Variants in RASGRF2 observed in about 807,000 individuals in gnomAD.
RASGRF2 encodes the protein ras-specific guanine nucleotide-releasing factor 2.
In RASGRF2, 76 loss-of-function variants were observed where a neutral mutation model predicts 151.0. That is an observed-to-expected ratio of 0.50 (90% CI 0.42 to 0.61). The LOEUF (loss-of-function observed/expected upper bound fraction) is 0.61, where lower values mean the gene tolerates loss of function less well. Among genes scored for constraint, RASGRF2 ranks in the 20% least tolerant of loss-of-function variants. The pLI, the probability that RASGRF2 is intolerant of heterozygous loss-of-function variation, is 0.00. For synonymous variants in RASGRF2, 504 were observed against 566.5 expected (o/e 0.89, Z 1.57); for missense variants, 1,148 against 1,564.6 (o/e 0.73, Z 4.49).
intron 13 of RASGRF2, among the ~76,000 whole-genome samples, chr5:81,109,761 G>A (rs1240972551): frequency 6.6e-6 from 1 of 152,220 alleles, no homozygotes; most frequent in Non-Finnish European, 1.5e-5. Flanking sequence ...CAGTTTACCA[G>A]TGTCTACGTC....
At chr5:81,015,369 T>A (rs1438460975) in intron 1 of RASGRF2, among the ~76,000 whole-genome samples, 1 of 152,072 alleles carries the variant, frequency 6.6e-6, no homozygotes, top group Non-Finnish European at 1.5e-5. Context: ...TTGAACTAAT[T>A]TAGAATCCCA....
chr5:81,212,937 G>A (rs1446115781), intron 23 of RASGRF2, among the ~76,000 whole-genome samples: 2 of 152,138 alleles, frequency 1.3e-5, no homozygotes, highest in East Asian at 3.8e-4. Flanking sequence ...GGGACAAAAG[G>A]CCTCATTTTT....
chr5:81,185,838 C>G (rs1182969951), intron 18 of RASGRF2, among the ~76,000 whole-genome samples: 2 of 152,192 alleles, frequency 1.3e-5, no homozygotes, highest in East Asian at 1.9e-4. Context: ...ATATACTGAA[C>G]TGGACATTTT....
chr5:81,009,294 A>T (rs1301401412), intron 1 of RASGRF2, among the ~76,000 whole-genome samples: 2 of 152,252 alleles, frequency 1.3e-5, no homozygotes, highest in African/African-American at 2.4e-5. Flanking sequence ...GAATATCATC[A>T]TATACTGCCC....
At chr5:81,018,616 A>T (rs17475104) in intron 1 of RASGRF2, among the ~76,000 whole-genome samples, 19,582 of 152,168 alleles carry the variant, frequency 0.13, 1,543 homozygotes, top group South Asian at 0.19. Context: ...AGTTTCATCA[A>T]TATATCCAAT....
At chr5:81,166,323 A>G (rs752879355) in intron 17 of RASGRF2, among the ~76,000 whole-genome samples, 8 of 151,952 alleles carry the variant, frequency 5.3e-5, no homozygotes, top group Non-Finnish European at 8.8e-5. Context: ...AGTAGCTGGA[A>G]TTTACAGGCG....
chr5:81,100,121 A>G (rs1286478141), intron 12 of RASGRF2, among the ~76,000 whole-genome samples: 1 of 151,760 alleles, frequency 6.6e-6, no homozygotes, highest in Non-Finnish European at 1.5e-5. Flanking sequence ...GTTAGCCAGG[A>G]TGGTCTCAAT....
intron 12 of RASGRF2, 41 bp from the exon 13 acceptor site, chr5:81,108,955 G>T (rs1752922026): frequency 6.4e-7 from 1 of 1,571,412 alleles, no homozygotes; most frequent in Admixed American, 1.8e-5. Context: ...ATCTGCCTAG[G>T]CTTTCATGTG....
rs769425124 is a variant in RASGRF2 at position 81,215,863 on chromosome 5, C to A, written c.3355-13C>A. On this transcript the variant is annotated splice_polypyrimidine_tract_variant and intron_variant, in intron 23 of 26. Coordinates refer to ENST00000265080, the MANE Select transcript of RASGRF2 (RefSeq NM_006909.3). ...GTATTTTCATCACACTAAGTTTTTT[C>A]TTTTCTTTTTAGACAAAAGCTCTAA... The A allele has an allele frequency of 6.6e-7, 1 of 1,509,180 alleles. No individual in the cohort carries two copies. Among genetic ancestry groups the A allele is most frequent in the South Asian group, 1.4e-5 (1 of 71,934 alleles). 93.5% of individuals were successfully genotyped at this position (1,509,180 alleles called of 1,614,324 possible). A position where few individuals can be genotyped will look rare whatever the true frequency, so the allele number is the denominator to read the frequency against.
intron 15 of RASGRF2, among the ~76,000 whole-genome samples, chr5:81,115,366 A>T (rs944130480): frequency 6.6e-6 from 1 of 152,216 alleles, no homozygotes; most frequent in Non-Finnish European, 1.5e-5. Context: ...CTTAAGCAAA[A>T]TCATGATGGA....
In RASGRF2 at chr5:80,960,788, T is replaced by A. The variant is rs1747521187; in HGVS notation, c.50T>A (p.Phe17Tyr). 6.2e-7 allele frequency: 1 copy of A among 1,612,740 alleles called. No homozygotes were observed. The highest frequency in any genetic ancestry group is 8.5e-7 in the Non-Finnish European group (1 of 1,179,306). ...GAGGGGCACGCCCTGTACCTGGCCT[T>A]TCTGGCGCGCAAGGAGGGCACCAAG... is the stretch of plus-strand genomic sequence containing the variant. The part of the protein sequence containing the change: ...YNEGHALYLA[F>Y]LARKEGTKRG... Residue 17 changes from phenylalanine (F) to tyrosine (Y), a missense_variant, in exon 1 of 27, where the codon TTT (phenylalanine) becomes TAT (tyrosine). Transcript: ENST00000265080. The surrounding 1 kb of genome is among the most constrained non-coding windows in gnomAD (Gnocchi z 5.5).
chr5:81,093,224 A>G (rs191290358), intron 10 of RASGRF2, among the ~76,000 whole-genome samples: 21 of 152,336 alleles, frequency 1.4e-4, no homozygotes, highest in African/African-American at 4.6e-4. Context: ...TATATACTGT[A>G]CTGTATCTGT....
At chr5:81,220,190 AT>A (rs1755828694) in intron 26 of RASGRF2, among the ~76,000 whole-genome samples, 1 of 152,138 alleles carries the variant, frequency 6.6e-6, no homozygotes, top group Non-Finnish European at 1.5e-5. Context: ...TGGTCTTAGG[AT>A]TAAAAAAAAT....
At chr5:81,022,753 G>A (rs550047439) in intron 1 of RASGRF2, among the ~76,000 whole-genome samples, 1 of 152,128 alleles carries the variant, frequency 6.6e-6, no homozygotes, top group African/African-American at 2.4e-5. Context: ...CACTAGCTTC[G>A]ACCTTTGGGC....
chr5:81,221,593 A>G (rs529961303), intron 26 of RASGRF2, among the ~76,000 whole-genome samples: 6 of 152,214 alleles, frequency 3.9e-5, no homozygotes, highest in Non-Finnish European at 5.9e-5. Flanking sequence ...GCTCACACCT[A>G]TAATCTTAGC....
chr5:81,105,729 C>T (rs1446436882), intron 12 of RASGRF2, among the ~76,000 whole-genome samples: 2 of 152,104 alleles, frequency 1.3e-5, no homozygotes, highest in African/African-American at 2.4e-5. Context: ...CTAGAAAGGT[C>T]GCTGGGTGAA....
intron 12 of RASGRF2, 72 bp downstream of exon 12, chr5:81,095,064 G>A (rs1041505187): frequency 2.5e-6 from 3 of 1,203,744 alleles, no homozygotes; most frequent in African/African-American, 3.1e-5. Context: ...ATAGTTTTTA[G>A]AGGTTTTTTA....
chr5:81,163,620 G>A (rs1430876982), intron 17 of RASGRF2, among the ~76,000 whole-genome samples: 1 of 152,122 alleles, frequency 6.6e-6, no homozygotes, highest in African/African-American at 2.4e-5. Flanking sequence ...TGCAATTAGA[G>A]GGTTCTCGTG....
intron 7 of RASGRF2, 71 bp from the exon 8 acceptor site, chr5:81,085,731 T>A: frequency 6.3e-7 from 1 of 1,580,442 alleles, no homozygotes; most frequent in Non-Finnish European, 8.6e-7. Context: ...GAAGCAATGA[T>A]GGCCCTGCGG....
Sources: gnomAD v4.1 joint callset for allele counts (sites outside exome capture counted in the v4.1 genomes callset) on GRCh38, gnomAD v4.1.1 for gene constraint, Gnocchi (gnomAD v3.1) non-coding constraint, MANE v1.5 for transcripts, NCBI Gene and HGNC (gene_info 2026-07-23, HGNC 2026-07-21) for gene names.